The following XPC variants were observed in gnomAD, a reference collection of about 807,000 sequenced individuals.
The protein encoded by XPC is DNA repair protein complementing XP-C cells.
XPC carries 76 observed loss-of-function variants against 95.8 expected under a neutral mutation model. The observed-to-expected ratio is 0.79, with a 90% CI of 0.66 to 0.96. The LOEUF is 0.96. Among genes scored for constraint, XPC ranks in the 40% least tolerant of loss-of-function variants. XPC has a pLI of 0.00. For synonymous variants in XPC, 442 were observed against 442.1 expected, an observed-to-expected ratio of 1.00 and a Z score of 0.00; for missense variants, 1,146 against 1,179.8, an observed-to-expected ratio of 0.97 and a Z score of 0.42.
chr3:14,147,162 CT>C, intron 15 of XPC, 127 bp downstream of exon 15: 1 of 965,962 alleles, frequency 1.0e-6, no homozygotes, highest in African/African-American at 1.7e-5. Context: ...AGACAGAAGA[CT>C]GAGGTGTCCT....
chr3:14,155,879 T>C (rs1490441806), intron 10 of XPC, among the ~76,000 whole-genome samples: 1 of 152,148 alleles, frequency 6.6e-6, no homozygotes, highest in East Asian at 1.9e-4. Context: ...TTTTTAAGTG[T>C]GCAGTTCAGT....
At chr3:14,155,888 G>A (rs558657222) in intron 10 of XPC, among the ~76,000 whole-genome samples, 2 of 152,236 alleles carry the variant, frequency 1.3e-5, no homozygotes, top group South Asian at 4.1e-4. Flanking sequence ...GTGCAGTTCA[G>A]TGGCATTAGG....
rs762684754 is a variant in XPC at position 14,172,978 on chromosome 3, G to C, written c.188C>G (p.Pro63Arg). ...TGCTGGACCATCTGCTGAACCCCCAGGATGACTGCAGCCTCTTTTCCTCTT... is the reference window on the plus strand; with the variant it reads ...TGCTGGACCATCTGCTGAACCCCCACGATGACTGCAGCCTCTTTTCCTCTT... ...QGKRKRGCSH[P>R]GGSADGPAKK... Residue 63 changes from proline (P) to arginine (R), a missense_variant, in exon 2 of 16, where the codon CCT becomes CGT. Transcript: ENST00000285021. The C allele has an allele frequency of 2.5e-6, 4 of 1,613,808 alleles. No homozygotes were observed. The highest frequency in any genetic ancestry group is 3.4e-6 in the Non-Finnish European group (4 of 1,179,782).
At chr3:14,147,821 C>T in intron 14 of XPC, 87 bp downstream of exon 14, 1 of 1,228,900 alleles carries the variant, frequency 8.1e-7, no homozygotes, top group Non-Finnish European at 1.2e-6. Flanking sequence ...CCTGGGAGCA[C>T]ACGGAGGCGG....
chr3:14,157,531 A>T (rs1331425213), intron 9 of XPC, among the ~76,000 whole-genome samples: 1 of 151,998 alleles, frequency 6.6e-6, no homozygotes, highest in Admixed American at 6.5e-5. Flanking sequence ...TAGACTGAAG[A>T]TACTGTCTCA....
chr3:14,170,445 C>T lies in XPC; in HGVS notation c.405G>A (p.Glu135=). Reference sequence around the variant, plus strand: ...CAAAGAAAGATGTTTCACCTTCAACCTCTTCCCAATCATTTTCACTTTCTT... The same window carrying T: ...CAAAGAAAGATGTTTCACCTTCAACTTCTTCCCAATCATTTTCACTTTCTT... ...EEEESENDWE[E]VEELSEPVLG... Residue 135 remains glutamate (E), a synonymous_variant, in exon 3 of 16, where the codon GAG becomes GAA. Transcript: ENST00000285021. 6.2e-7 allele frequency: 1 copy of T among 1,613,418 alleles called. No individual in the cohort carries two copies. The highest frequency in any genetic ancestry group is 8.5e-7 in the Non-Finnish European group (1 of 1,179,386).
chr3:14,147,659 AGGCAGGTGTG>A, intron 14 of XPC: 1 of 596,476 alleles, frequency 1.7e-6, no homozygotes, highest in Non-Finnish European at 2.9e-6. Flanking sequence ...TTCAAGACAG[AGGCAGGTGTG>A]GGCAGCAGGG....
At chr3:14,161,513 A>T (rs115914724) in intron 7 of XPC, among the ~76,000 whole-genome samples, 3,158 of 149,348 alleles carry the variant, frequency 0.021, 103 homozygotes, top group African/African-American at 0.077. Context: ...ATGGTTCAAC[A>T]TAAGAAAATC....
In XPC at chr3:14,146,060, CA is replaced by C. The variant is rs1280251289; in HGVS notation, c.2703del (p.Ala902ProfsTer15). 10 of 1,612,834 alleles carry C rather than the reference CA, an allele frequency of 6.2e-6. No homozygotes were observed. The highest frequency in any genetic ancestry group is 2.2e-5 in the East Asian group (1 of 44,844). On this transcript the variant is annotated frameshift_variant, in exon 16 of 16. Coordinates refer to ENST00000285021, the MANE Select transcript of XPC (RefSeq NM_004628.5). LOFTEE classifies it low-confidence loss of function (END_TRUNC). ...TCTTCTCGGTTTTGAGGCCAGGAGG[CA>C]GCCAGTATCCTGGCCGCTTCTGCTT... is the stretch of plus-strand genomic sequence containing the variant. ...SSQAEAARIL[A>X]ASWPQNREDE...
At chr3:14,146,299 G>T in intron 15 of XPC, 140 bp from the exon 16 acceptor site, 1 of 789,328 alleles carries the variant, frequency 1.3e-6, no homozygotes, top group Non-Finnish European at 2.0e-6. Context: ...ACAGGGCAGG[G>T]AGAGAGCCCA....
In XPC at chr3:14,165,864, C is replaced by T. The variant is rs542556080; in HGVS notation, c.622-279G>A. ...AAATACAAACTGTTTTTGTTTTGGT[C>T]TTGTCTTTCAGAGATACATACTGAA... On this transcript the variant is annotated intron_variant, in intron 5 of 15. Coordinates refer to ENST00000285021, the MANE Select transcript of XPC (RefSeq NM_004628.5). 2.3e-4 allele frequency: 85 copies of T among 369,204 alleles called. No individual in the cohort carries two copies. The South Asian group carries it at 2.3e-3, about 10-fold the overall frequency. 22.9% of individuals were successfully genotyped at this position (369,204 alleles called of 1,614,324 possible).
intron 15 of XPC, 35 bp downstream of exon 15, chr3:14,147,255 T>G (rs745468301): frequency 8.2e-6 from 13 of 1,581,552 alleles, no homozygotes; most frequent in African/African-American, 2.7e-5. Flanking sequence ...AAACTGACCC[T>G]GAGCTTGTCT....
chr3:14,169,084 G>A (rs573721877), intron 3 of XPC, among the ~76,000 whole-genome samples: 3 of 152,082 alleles, frequency 2.0e-5, no homozygotes, highest in Admixed American at 2.0e-4. Flanking sequence ...ACAGCTTCTT[G>A]AAGAAAAAAA....
Position 14,158,934 on chromosome 3 carries a change from C to G in XPC, c.991-42G>C, listed in dbSNP as rs1559376340. 1 of 1,610,718 alleles carries G rather than the reference C, an allele frequency of 6.2e-7. No individual in the cohort carries two copies. The highest frequency in any genetic ancestry group is 1.3e-5 in the African/African-American group (1 of 74,650). On this transcript the variant is annotated intron_variant, in intron 8 of 15. Coordinates refer to ENST00000285021, the MANE Select transcript of XPC (RefSeq NM_004628.5). The surrounding 1 kb of genome is among the most constrained non-coding windows in gnomAD (Gnocchi z 5.2). ...AATTTTGCTTTTTTTTCTCCCCCCT[C>G]TTTTGCTAATGATATGATAGAAATC...
chr3:14,153,650 C>T lies in XPC; in HGVS notation c.2034-1234G>A, dbSNP rs73142648. ...CGTATGATTCCACCTACATGAGGTC[C>T]GGTTAGGTTCGGCAGGTTAGGTATA... On this transcript the variant is annotated intron_variant, in intron 10 of 15. Coordinates refer to ENST00000285021, the MANE Select transcript of XPC (RefSeq NM_004628.5). Among the ~76,000 whole-genome samples, 1,477 of 152,250 alleles carry T rather than the reference C, an allele frequency of 9.7e-3. 28 individuals carry two copies. Among genetic ancestry groups the T allele is most frequent in the African/African-American group, 0.033 (1,382 of 41,526 alleles).
At chr3:14,152,685 T>C in intron 10 of XPC, 1 of 396,966 alleles carries the variant, frequency 2.5e-6, no homozygotes. Context: ...ATAGGTTTTC[T>C]TCTCCTCTGC....
At chr3:14,152,495 C>A in intron 10 of XPC, 79 bp from the exon 11 acceptor site, 1 of 1,379,280 alleles carries the variant, frequency 7.3e-7, no homozygotes, top group Non-Finnish European at 9.9e-7. Context: ...GAGAGCGCAG[C>A]CCTGCAGGCT....
chr3:14,148,632 G>A lies in XPC; in HGVS notation c.2350C>T (p.Arg784Cys), dbSNP rs756757380. Residue 784 changes from arginine (R) to cysteine (C), a missense_variant, in exon 13 of 16, where the codon CGC (arginine) becomes TGC (cysteine). Transcript: ENST00000285021. ...TGGACACAGTCGATGTCCAGCTTGC[G>A]GGCCACGCGGTGTAGATTGGGCAGG... ...LNLPNLHRVARKLDIDCVQAI... is the reference protein window; with the variant it reads ...LNLPNLHRVACKLDIDCVQAI... 16 of 1,613,922 alleles carry A rather than the reference G, an allele frequency of 9.9e-6. No homozygotes were observed. The highest frequency in any genetic ancestry group is 2.2e-5 in the East Asian group (1 of 44,886).
Position 14,166,390 on chromosome 3 carries a change from G to A in XPC, c.621+779C>T, listed in dbSNP as rs181244866. Among the ~76,000 whole-genome samples, 45 of 151,982 alleles carry A rather than the reference G, an allele frequency of 3.0e-4. 1 individual carries two copies. The East Asian group carries it at 8.3e-3, about 28-fold the overall frequency. ...AGGGAGGCGACCCCTCTCTAACCTC[G>A]TCACCATCCTTGCACCTCTAGATTT... On this transcript the variant is annotated intron_variant, in intron 5 of 15. Coordinates refer to ENST00000285021, the MANE Select transcript of XPC (RefSeq NM_004628.5).
Sources: gnomAD v4.1 joint callset for allele counts (sites outside exome capture counted in the v4.1 genomes callset) on GRCh38, gnomAD v4.1.1 for gene constraint, Gnocchi (gnomAD v3.1) non-coding constraint, MANE v1.5 for transcripts, NCBI Gene and HGNC (gene_info 2026-07-23, HGNC 2026-07-21) for gene names.